NCKAP5: variants seen among roughly 807,000 people sequenced by gnomAD.
The protein encoded by NCKAP5 is nck-associated protein 5.
In NCKAP5, 92 loss-of-function variants were observed where a neutral mutation model predicts 167.0. The ratio of observed to expected loss-of-function variants is 0.55; its 90% CI spans 0.47 to 0.66. NCKAP5 has a LOEUF of 0.66. Among genes scored for constraint, NCKAP5 ranks in the 30% least tolerant of loss-of-function variants. The pLI is 0.00. For missense variants in NCKAP5, 2,378 were observed against 2,315.0 expected (o/e 1.03, Z -0.56); for synonymous variants, 891 against 877.4 (o/e 1.02, Z -0.27).
At chr2:133,631,651 T>G in the NCKAP5 span, among the ~76,000 whole-genome samples, 1 of 152,172 alleles carries the variant, frequency 6.6e-6, no homozygotes, top group African/African-American at 2.4e-5. Context: ...TATGTTGAGT[T>G]TGATACAATA....
chr2:132,903,682 A>G (rs1278719970), intron 8 of NCKAP5, among the ~76,000 whole-genome samples: 1 of 151,878 alleles, frequency 6.6e-6, no homozygotes, highest in Non-Finnish European at 1.5e-5. Context: ...CATTCAGATA[A>G]GCAAATAATG....
At chr2:133,074,094 AC>A in intron 6 of NCKAP5, among the ~76,000 whole-genome samples, 2 of 152,346 alleles carry the variant, frequency 1.3e-5, no homozygotes. Context: ...TGTTCTTTGG[AC>A]ATACACCAAA....
chr2:132,890,213 T>C (rs1574532120), intron 8 of NCKAP5, among the ~76,000 whole-genome samples: 1 of 152,182 alleles, frequency 6.6e-6, no homozygotes, highest in Non-Finnish European at 1.5e-5. Flanking sequence ...TGGAATTTTT[T>C]CCAGCCAAAA....
intron 9 of NCKAP5, among the ~76,000 whole-genome samples, chr2:132,873,949 C>A (rs1691045411): frequency 6.6e-6 from 1 of 151,904 alleles, no homozygotes; most frequent in Non-Finnish European, 1.5e-5. Flanking sequence ...CTGGGTCCTG[C>A]AAAAATAATG....
intron 5 of NCKAP5, among the ~76,000 whole-genome samples, chr2:133,136,734 C>T (rs1210740120): frequency 6.6e-6 from 1 of 152,100 alleles, no homozygotes; most frequent in East Asian, 1.9e-4. Context: ...CAAAGGGATT[C>T]AATGATATTC....
chr2:133,507,615 T>C (rs1385588767), intron 3 of NCKAP5, among the ~76,000 whole-genome samples: 1 of 152,154 alleles, frequency 6.6e-6, no homozygotes, highest in Non-Finnish European at 1.5e-5. Flanking sequence ...TAGGATTCCA[T>C]GTTAGGAGAG....
intron 3 of NCKAP5, among the ~76,000 whole-genome samples, chr2:133,466,285 G>C (rs1434618084): frequency 2.2e-4 from 32 of 147,758 alleles, no homozygotes; most frequent in Admixed American, 1.4e-4. Context: ...CCCATTGCTT[G>C]TTTTTCTCAG....
Position 133,057,397 on chromosome 2 carries a change from A to G in NCKAP5, c.342-63158T>C, listed in dbSNP as rs2079841443. ...GAAAGCTAGGCCTCTTGCACCAAACAGGTAGCCAAGTTGTGAATGCAAAGG... is the reference window on the plus strand; with the variant it reads ...GAAAGCTAGGCCTCTTGCACCAAACGGGTAGCCAAGTTGTGAATGCAAAGG... On this transcript the variant is annotated intron_variant, in intron 6 of 19. Transcript: ENST00000409261. Among the ~76,000 whole-genome samples, 5 of 152,222 alleles carry G rather than the reference A, an allele frequency of 3.3e-5. No individual in the cohort carries two copies. The South Asian group carries it at 1.0e-3, about 31-fold the overall frequency.
chr2:133,305,620 G>C (rs961456496), intron 3 of NCKAP5, among the ~76,000 whole-genome samples: 6 of 152,152 alleles, frequency 3.9e-5, no homozygotes, highest in African/African-American at 1.4e-4. Flanking sequence ...TAGGCAGTTA[G>C]GCAGAGATTG....
the NCKAP5 span, among the ~76,000 whole-genome samples, chr2:133,606,746 A>G: frequency 1.9e-4 from 19 of 99,222 alleles, no homozygotes; most frequent in African/African-American, 4.8e-4. Context: ...GAGTTCAGGG[A>G]AAAAAAAAAA....
chr2:132,673,347 G>A (rs1194360455), intron 19 of NCKAP5, 42 bp from the exon 20 acceptor site: 3 of 1,366,394 alleles, frequency 2.2e-6, no homozygotes, highest in African/African-American at 1.5e-5. Flanking sequence ...TATTTCTTTG[G>A]AAAATCAAGT....
chr2:133,181,603 C>CAAAAAAA (rs34264277), intron 5 of NCKAP5, among the ~76,000 whole-genome samples: 6 of 71,152 alleles, frequency 8.4e-5, no homozygotes, highest in African/African-American at 3.5e-4. Flanking sequence ...CCCATCTCTA[C>CAAAAAAA]AAAAAAAAAA....
chr2:132,820,810 G>T (rs1686674176), intron 11 of NCKAP5, among the ~76,000 whole-genome samples: 1 of 152,108 alleles, frequency 6.6e-6, no homozygotes. Flanking sequence ...AACATACAAG[G>T]GTTTATTTTC....
At chr2:132,877,931 A>G (rs1193786243) in intron 9 of NCKAP5, among the ~76,000 whole-genome samples, 2 of 152,244 alleles carry the variant, frequency 1.3e-5, no homozygotes, top group Non-Finnish European at 2.9e-5. Context: ...TAAAATCTGC[A>G]TCAGGTACAT....
chr2:133,586,259 C>T, the NCKAP5 span, among the ~76,000 whole-genome samples: 1,177 of 152,278 alleles, frequency 7.7e-3, 11 homozygotes, highest in Middle Eastern at 0.017. Flanking sequence ...CCTGCCAACA[C>T]AAGTCCACGT....
intron 12 of NCKAP5, among the ~76,000 whole-genome samples, chr2:132,793,505 C>A (rs556000423): frequency 2.6e-5 from 4 of 152,212 alleles, no homozygotes; most frequent in Admixed American, 6.5e-5. Context: ...GAGGTAGGAC[C>A]TGAGATGTAT....
the NCKAP5 span, among the ~76,000 whole-genome samples, chr2:133,613,962 G>A: frequency 6.6e-6 from 1 of 152,256 alleles, no homozygotes; most frequent in East Asian, 1.9e-4. Context: ...AATCTTCTGG[G>A]GCATTTGCAG....
intron 11 of NCKAP5, among the ~76,000 whole-genome samples, chr2:132,848,872 A>T (rs1688871995): frequency 6.6e-6 from 1 of 152,218 alleles, no homozygotes; most frequent in African/African-American, 2.4e-5. Context: ...AAGTGAACAG[A>T]AAAAGCTAAA....
intron 6 of NCKAP5, among the ~76,000 whole-genome samples, chr2:133,082,217 AT>A (rs1286481951): frequency 6.6e-6 from 1 of 152,092 alleles, no homozygotes; most frequent in Non-Finnish European, 1.5e-5. Context: ...TAATAAATAA[AT>A]TTATCAAAAA....
Sources: gnomAD v4.1 joint callset for allele counts (sites outside exome capture counted in the v4.1 genomes callset) on GRCh38, gnomAD v4.1.1 for gene constraint, MANE v1.5 for transcripts, NCBI Gene and HGNC (gene_info 2026-07-23, HGNC 2026-07-21) for gene names.